DAPK1: variants seen among roughly 807,000 people sequenced by gnomAD.
The protein encoded by DAPK1 is death associated protein kinase 1, also known as death-associated protein kinase 1.
DAPK1 carries 56 observed loss-of-function variants against 144.9 expected under a neutral mutation model. That is an observed-to-expected ratio of 0.39 (90% confidence interval 0.31 to 0.48). The LOEUF is 0.48. DAPK1 is among the 20% of genes least tolerant of loss of function. The pLI is 0.95. For synonymous variants in DAPK1, 690 were observed against 749.0 expected, an observed-to-expected ratio of 0.92 and a Z score of 1.29; for missense variants, 1,454 against 1,875.4, an observed-to-expected ratio of 0.78 and a Z score of 4.15.
chr9:87,589,468 C>CA (rs1051027606), intron 2 of DAPK1, among the ~76,000 whole-genome samples: 14 of 152,132 alleles, frequency 9.2e-5, no homozygotes, highest in African/African-American at 3.4e-4. Context: ...CCCTTAAACT[C>CA]ACGAGGGGCT....
chr9:87,505,582 A>T (rs1030861900), intron 2 of DAPK1, among the ~76,000 whole-genome samples: 2 of 151,998 alleles, frequency 1.3e-5, no homozygotes, highest in African/African-American at 4.8e-5. Flanking sequence ...TTTTTAGTAG[A>T]GACGGGGTTT....
At chr9:87,554,761 A>G (rs950283632) in intron 2 of DAPK1, among the ~76,000 whole-genome samples, 1 of 152,148 alleles carries the variant, frequency 6.6e-6, no homozygotes, top group African/African-American at 2.4e-5. Flanking sequence ...CTCTGGCGGG[A>G]GGGAGGAAGC....
intron 25 of DAPK1, among the ~76,000 whole-genome samples, chr9:87,703,460 TGTTA>T (rs10597020): frequency 0.12 from 18,174 of 152,138 alleles, 2,077 homozygotes; most frequent in African/African-American, 0.3. Flanking sequence ...TTCCAGAGTC[TGTTA>T]GTTTGGGAGT....
intron 19 of DAPK1, among the ~76,000 whole-genome samples, chr9:87,677,465 G>C (rs770525861): frequency 3.3e-5 from 5 of 152,222 alleles, no homozygotes; most frequent in Non-Finnish European, 5.9e-5. Context: ...CAGGACAGAC[G>C]TGTGTGCTGA....
intron 18 of DAPK1, among the ~76,000 whole-genome samples, chr9:87,666,779 G>A (rs1290103013): frequency 1.3e-5 from 2 of 152,120 alleles, no homozygotes; most frequent in Non-Finnish European, 2.9e-5. Context: ...TGGCTGTGAG[G>A]AAGTATTGTT....
At chr9:87,626,421 AAAAC>A (rs1193341905) in intron 3 of DAPK1, among the ~76,000 whole-genome samples, 16 of 142,942 alleles carry the variant, frequency 1.1e-4, no homozygotes, top group East Asian at 2.2e-4. Flanking sequence ...GTCTCTTTAA[AAAAC>A]AAACAAACAA....
intron 2 of DAPK1, chr9:87,553,835 A>T (rs1431878834): frequency 6.6e-6 from 1 of 152,254 alleles, no homozygotes; most frequent in Non-Finnish European, 1.5e-5. Context: ...GAGGGCAATA[A>T]GGAGAGGAAG....
intron 18 of DAPK1, among the ~76,000 whole-genome samples, chr9:87,664,225 C>G (rs1830969252): frequency 6.6e-6 from 1 of 152,158 alleles, no homozygotes; most frequent in African/African-American, 2.4e-5. Context: ...TCAGTTGTGG[C>G]TGGGTCCTGG....
At chr9:87,510,809 C>T (rs1407046541) in intron 2 of DAPK1, among the ~76,000 whole-genome samples, 1 of 148,650 alleles carries the variant, frequency 6.7e-6, no homozygotes, top group Non-Finnish European at 1.5e-5. Flanking sequence ...GGGAAAGTCA[C>T]TTGACTTCTG....
Position 87,565,947 on chromosome 9 carries a change from A to G in DAPK1, c.63-39007A>G, listed in dbSNP as rs375723126. Among the ~76,000 whole-genome samples, 9 of 152,090 alleles carry G rather than the reference A, an allele frequency of 5.9e-5. No individual in the cohort carries two copies. The East Asian group carries it at 1.4e-3, about 23-fold the overall frequency. Reference sequence around the variant, plus strand: ...AAACTGAGACCCAGAGAAGTTAAGCATCTTGCCTGAGGTCACACAGCATTT... The same window carrying G: ...AAACTGAGACCCAGAGAAGTTAAGCGTCTTGCCTGAGGTCACACAGCATTT... On this transcript the variant is annotated intron_variant, in intron 2 of 25. Coordinates refer to ENST00000408954, the MANE Select transcript of DAPK1 (RefSeq NM_004938.4).
chr9:87,671,684 T>C (rs779147446), intron 19 of DAPK1, among the ~76,000 whole-genome samples: 4 of 152,152 alleles, frequency 2.6e-5, no homozygotes, highest in Non-Finnish European at 5.9e-5. Flanking sequence ...TGGCTAATTT[T>C]TAACATTTGT....
intron 2 of DAPK1, among the ~76,000 whole-genome samples, chr9:87,502,529 G>C (rs543566710): frequency 5.4e-4 from 82 of 152,310 alleles, no homozygotes; most frequent in Admixed American, 9.1e-4. Context: ...TCGGGCTCTA[G>C]TTACACCCTT....
At chr9:87,571,498 A>AACACCCACACACACAC (rs1827352357) in intron 2 of DAPK1, among the ~76,000 whole-genome samples, 1 of 46,492 alleles carries the variant, frequency 2.2e-5, no homozygotes, top group Non-Finnish European at 3.7e-5. Flanking sequence ...CACACACCCC[A>AACACCCACACACACAC]ACACACACAC....
chr9:87,522,131 A>G (rs1268494735), intron 2 of DAPK1, among the ~76,000 whole-genome samples: 1 of 152,226 alleles, frequency 6.6e-6, no homozygotes, highest in Non-Finnish European at 1.5e-5. Flanking sequence ...TAAATTGCCC[A>G]TTCTGCAACA....
chr9:87,686,708 G>T lies in DAPK1; in HGVS notation c.2382G>T (p.Lys794Asn). 1 of 1,613,448 alleles carries T rather than the reference G, an allele frequency of 6.2e-7. No homozygotes were observed. The highest frequency in any genetic ancestry group is 8.5e-7 in the Non-Finnish European group (1 of 1,179,474). ...PHCSADDQSTKAIDIQNAYLN... is the reference protein window; with the variant it reads ...PHCSADDQSTNAIDIQNAYLN... Reference sequence around the variant, plus strand: ...GCTCGGCCGATGACCAGTCCACCAAGGCCATCGACATCCAGAACGCTTATT... The same window carrying T: ...GCTCGGCCGATGACCAGTCCACCAATGCCATCGACATCCAGAACGCTTATT... Residue 794 changes from lysine to asparagine, a missense_variant, in exon 21 of 26, where the codon AAG becomes AAT. Lys to Asn is a moderately conservative substitution (Grantham distance 94). Coordinates refer to ENST00000408954, the MANE Select transcript of DAPK1 (RefSeq NM_004938.4). This position sits in a 1 kb window ranked among gnomAD's most constrained non-coding sequence, Gnocchi z 4.2.
At chr9:87,517,735 A>G (rs1250840895) in intron 2 of DAPK1, among the ~76,000 whole-genome samples, 1 of 152,156 alleles carries the variant, frequency 6.6e-6, no homozygotes, top group African/African-American at 2.4e-5. Context: ...AAAAGTGCAA[A>G]GTGGGTCCCA....
intron 2 of DAPK1, among the ~76,000 whole-genome samples, chr9:87,514,159 G>A (rs1214712567): frequency 6.6e-6 from 1 of 152,210 alleles, no homozygotes; most frequent in Admixed American, 6.5e-5. Context: ...TAGAGCTGGT[G>A]TAGGGAAGGA....
chr9:87,529,116 C>T (rs1393970442), intron 2 of DAPK1, among the ~76,000 whole-genome samples: 2 of 152,122 alleles, frequency 1.3e-5, no homozygotes, highest in Admixed American at 6.5e-5. Context: ...CACAAGACCC[C>T]AGAAGTCTGA....
intron 24 of DAPK1, among the ~76,000 whole-genome samples, chr9:87,702,743 C>CA (rs1825497786): frequency 1.3e-5 from 2 of 152,002 alleles, no homozygotes; most frequent in Non-Finnish European, 2.9e-5. Flanking sequence ...GTACTCAACC[C>CA]AAAAAACACA....
Sources: gnomAD v4.1 joint callset for allele counts (sites outside exome capture counted in the v4.1 genomes callset) on GRCh38, gnomAD v4.1.1 for gene constraint, Gnocchi (gnomAD v3.1) non-coding constraint, MANE v1.5 for transcripts, NCBI Gene and HGNC (gene_info 2026-07-23, HGNC 2026-07-21) for gene names.